The following SNX7 variants were observed in gnomAD, a reference collection of about 807,000 sequenced individuals.
The protein encoded by SNX7 is sorting nexin 7.
In SNX7, 35 loss-of-function variants were observed where a neutral mutation model predicts 48.4. The observed-to-expected ratio is 0.72, with a 90% CI of 0.55 to 0.96. SNX7 has a LOEUF of 0.96. Among genes scored for constraint, SNX7 ranks in the 40% least tolerant of loss-of-function variants. The pLI is 0.00. For missense variants in SNX7, 553 were observed against 548.9 expected, an observed-to-expected ratio of 1.01 and a Z score of -0.07; for synonymous variants, 190 against 190.2, an observed-to-expected ratio of 1.00 and a Z score of 0.01.
rs368579130 is a variant in SNX7, at chr1:98,744,640, A to G, written c.1278+6251A>G. ...AAGAAAACAGAACTAACTCATTTCT[A>G]TTTCACTGCTGTTTTCTCCATGAAG... On this transcript the variant is annotated intron_variant, in intron 8 of 8. Coordinates refer to ENST00000306121, the MANE Select transcript of SNX7 (RefSeq NM_015976.5). 4.3e-4 allele frequency among the ~76,000 whole-genome samples: 65 copies of G among 152,228 alleles called. 1 individual carries two copies. In the South Asian group the frequency reaches 0.012, roughly 29 times the overall value.
At chr1:98,698,509 T>C (rs1651575220) in intron 5 of SNX7, among the ~76,000 whole-genome samples, 197 bp from the exon 6 acceptor site, 1 of 152,162 alleles carries the variant, frequency 6.6e-6, no homozygotes, top group Non-Finnish European at 1.5e-5. Flanking sequence ...ACTTGGACAG[T>C]AGTCATTCAA....
intron 7 of SNX7, among the ~76,000 whole-genome samples, chr1:98,723,254 G>A (rs1163756452): frequency 1.3e-5 from 2 of 152,044 alleles, no homozygotes; most frequent in Non-Finnish European, 2.9e-5. Flanking sequence ...AAGCTGAGAT[G>A]AAAGAAAACC....
At chr1:98,721,678 A>G (rs1389182675) in intron 7 of SNX7, among the ~76,000 whole-genome samples, 1 of 152,122 alleles carries the variant, frequency 6.6e-6, no homozygotes, top group Non-Finnish European at 1.5e-5. Flanking sequence ...AAAAATATTT[A>G]ATAACAGAAA....
Position 98,691,649 on chromosome 1 carries a change from A to T in SNX7, c.589A>T (p.Thr197Ser), listed in dbSNP as rs199721724. ...TTTGAACCGAATTGCTGATCATCCA[A>T]CTTTAACATTTAATGAAGACTTCAA... ...KFLNRIADHP[T>S]LTFNEDFKIF... The change falls in exon 4 of 9, where the codon ACT becomes TCT. Residue 197 changes from threonine to serine, a missense_variant. Transcript: ENST00000306121. The T allele has an allele frequency of 1.1e-5, 17 of 1,610,210 alleles. No individual in the cohort carries two copies. The East Asian group carries it at 1.1e-4, about 11-fold the overall frequency.
chr1:98,756,857 A>G (rs940134174), intron 8 of SNX7, among the ~76,000 whole-genome samples: 7 of 152,060 alleles, frequency 4.6e-5, no homozygotes, highest in African/African-American at 1.7e-4. Flanking sequence ...TATAGTTTAG[A>G]TATTCGTCCC....
intron 1 of SNX7, among the ~76,000 whole-genome samples, chr1:98,679,887 A>G (rs1198998690): frequency 6.6e-6 from 1 of 152,154 alleles, no homozygotes; most frequent in Non-Finnish European, 1.5e-5. Flanking sequence ...CCAGAGGCAC[A>G]GTGCGAGCTG....
chr1:98,700,023 T>G (rs1471865984), intron 6 of SNX7, among the ~76,000 whole-genome samples: 3 of 152,212 alleles, frequency 2.0e-5, no homozygotes, highest in Admixed American at 1.3e-4. Context: ...CAGATTTGTA[T>G]GTTCTGTTCC....
At chr1:98,714,806 C>T (rs968350878) in intron 7 of SNX7, among the ~76,000 whole-genome samples, 3 of 152,106 alleles carry the variant, frequency 2.0e-5, no homozygotes, top group African/African-American at 7.2e-5. Context: ...AGCGAGCGGA[C>T]GAACAATGTG....
intron 4 of SNX7, among the ~76,000 whole-genome samples, chr1:98,694,798 G>T (rs11166071): frequency 2.0e-5 from 3 of 150,764 alleles, no homozygotes; most frequent in East Asian, 2.0e-4. Flanking sequence ...TTAGTAGAGA[G>T]GGAGTTTCAC....
intron 1 of SNX7, among the ~76,000 whole-genome samples, chr1:98,677,773 G>A (rs1376670932): frequency 2.0e-5 from 3 of 151,828 alleles, no homozygotes; most frequent in South Asian, 2.1e-4. Flanking sequence ...AGCTACTCGG[G>A]AGTCTGACGC....
chr1:98,701,667 A>G, intron 6 of SNX7, 150 bp from the exon 7 acceptor site: 1 of 503,640 alleles, frequency 2.0e-6, no homozygotes, highest in South Asian at 4.5e-5. Flanking sequence ...AACAAAAAAA[A>G]AAAAACAACT....
intron 8 of SNX7, among the ~76,000 whole-genome samples, chr1:98,758,098 A>T (rs1570622324): frequency 6.6e-6 from 1 of 152,074 alleles, no homozygotes; most frequent in East Asian, 1.9e-4. Context: ...GCATCATCAC[A>T]GTGCCTGGCA....
At chr1:98,746,596 C>G (rs1461490367) in intron 8 of SNX7, among the ~76,000 whole-genome samples, 1 of 152,190 alleles carries the variant, frequency 6.6e-6, no homozygotes, top group Middle Eastern at 3.4e-3. Context: ...ATTTCTAATG[C>G]TCATTAGAGT....
At chr1:98,672,986 C>T (rs1295233003) in intron 1 of SNX7, among the ~76,000 whole-genome samples, 1 of 149,514 alleles carries the variant, frequency 6.7e-6, no homozygotes, top group East Asian at 2.0e-4. Flanking sequence ...ATAAATGGAG[C>T]TGCATTTGAT....
intron 7 of SNX7, among the ~76,000 whole-genome samples, chr1:98,702,377 T>C (rs1015884638): frequency 8.5e-5 from 13 of 152,152 alleles, no homozygotes; most frequent in African/African-American, 3.1e-4. Context: ...TATTTTATTA[T>C]GGAAATTTTC....
intron 8 of SNX7, among the ~76,000 whole-genome samples, chr1:98,746,394 T>C (rs1287874300): frequency 6.6e-6 from 1 of 152,090 alleles, no homozygotes; most frequent in Non-Finnish European, 1.5e-5. Flanking sequence ...TTATACTGTT[T>C]CATTTTGTTG....
intron 7 of SNX7, among the ~76,000 whole-genome samples, chr1:98,730,467 C>T (rs1178054312): frequency 1.3e-5 from 2 of 152,070 alleles, no homozygotes; most frequent in East Asian, 1.9e-4. Context: ...ATCAAGCTGT[C>T]TTGTTTCCAG....
chr1:98,682,285 G>T (rs1223129514), intron 1 of SNX7, among the ~76,000 whole-genome samples: 2 of 151,792 alleles, frequency 1.3e-5, no homozygotes, highest in African/African-American at 4.8e-5. Context: ...TCCTGGTCCA[G>T]TGTATATGGG....
intron 5 of SNX7, among the ~76,000 whole-genome samples, chr1:98,697,269 A>C (rs1260684821): frequency 2.0e-5 from 3 of 152,134 alleles, no homozygotes; most frequent in African/African-American, 7.2e-5. Flanking sequence ...TTACATAACA[A>C]CTAGTATCTC....
Sources: allele counts gnomAD v4.1 joint callset (sites outside exome capture counted in the v4.1 genomes callset), GRCh38; gene constraint gnomAD v4.1.1; transcripts MANE v1.5; gene names NCBI Gene and HGNC (gene_info 2026-07-23, HGNC 2026-07-21).